The following NUP153 variants were observed in gnomAD, a reference collection of about 807,000 sequenced individuals.
The protein encoded by NUP153 is nucleoporin 153.
A neutral mutation model predicts 134.6 loss-of-function variants in NUP153; 27 were observed. That is an observed-to-expected ratio of 0.20 (90% CI 0.15 to 0.28). NUP153 has a LOEUF of 0.28. Ranked by LOEUF, NUP153 falls within the 10% of genes least tolerant of loss-of-function variation. The pLI is 1.00. For missense variants in NUP153, 1,821 were observed against 1,731.3 expected (o/e 1.05, Z -0.92); for synonymous variants, 640 against 623.5 (o/e 1.03, Z -0.40).
intron 5 of NUP153, among the ~76,000 whole-genome samples, chr6:17,670,784 G>A (rs1278344044): frequency 6.6e-6 from 1 of 151,932 alleles, no homozygotes; most frequent in African/African-American, 2.4e-5. Context: ...TCTTTAGATT[G>A]TTTACATGGT....
rs1477941295 is a variant in NUP153, at chr6:17,632,813, A to G, written c.2496T>C (p.Thr832=). The change falls in exon 17 of 22, where the codon ACT becomes ACC. Residue 832 remains threonine, a synonymous_variant. Transcript: ENST00000262077. The part of the protein sequence containing the change: ...GSSVPASSSS[T]VPVSLPSGGS... Reference sequence around the variant, plus strand: ...CTCCAGAAGGCAGAGAGACAGGTACAGTGCTGCTACTTGAAGCAGGTACTG... The same window carrying G: ...CTCCAGAAGGCAGAGAGACAGGTACGGTGCTGCTACTTGAAGCAGGTACTG... 7.2e-7 allele frequency: 1 copy of G among 1,387,766 alleles called. No homozygotes were observed. The highest frequency in any genetic ancestry group is 1.5e-5 in the African/African-American group (1 of 66,488). 86.0% of individuals were successfully genotyped at this position (1,387,766 alleles called of 1,614,324 possible).
intron 1 of NUP153, among the ~76,000 whole-genome samples, chr6:17,699,481 CAAA>C (rs147055009): frequency 4.1e-5 from 4 of 97,544 alleles, no homozygotes; most frequent in Non-Finnish European, 6.0e-5. Context: ...AGACTCGTCT[CAAA>C]AAAAAAAAAA....
intron 20 of NUP153, among the ~76,000 whole-genome samples, chr6:17,623,791 T>C (rs374701160): frequency 3.3e-5 from 5 of 152,188 alleles, no homozygotes; most frequent in Admixed American, 1.3e-4. Flanking sequence ...ATTCCATTTA[T>C]ATAAAAGCAG....
intron 11 of NUP153, among the ~76,000 whole-genome samples, chr6:17,653,263 C>A (rs1445999677): frequency 6.6e-6 from 1 of 151,996 alleles, no homozygotes; most frequent in Non-Finnish European, 1.5e-5. Context: ...AAAAAAAGAA[C>A]TGAACAGACA....
rs1764944253 is a variant in NUP153, at chr6:17,626,268, G to A, written c.3545-104C>T. The A allele has an allele frequency of 3.7e-5, 29 of 786,194 alleles. No homozygotes were observed. The South Asian group carries it at 4.6e-4, about 12-fold the overall frequency. 48.7% of individuals were successfully genotyped at this position (786,194 alleles called of 1,614,324 possible). On this transcript the variant is annotated intron_variant, in intron 18 of 21. Transcript: ENST00000262077. ...CTAGAATTTTCCTACCCTAGAATTC[G>A]CTAGAAAATAGATTTTTTATATAGA...
At chr6:17,636,257 T>C (rs745331373) in intron 16 of NUP153, among the ~76,000 whole-genome samples, 6 of 151,252 alleles carry the variant, frequency 4.0e-5, no homozygotes, top group Non-Finnish European at 7.4e-5. Flanking sequence ...ATTGCATGCA[T>C]CTGGGAGATG....
intron 11 of NUP153, among the ~76,000 whole-genome samples, chr6:17,657,745 CA>C (rs545476568): frequency 2.0e-5 from 3 of 151,568 alleles, no homozygotes; most frequent in East Asian, 3.9e-4. Flanking sequence ...AAAAACTTGT[CA>C]AAAAAAATAA....
At chr6:17,671,700 T>C (rs1040880144) in intron 5 of NUP153, among the ~76,000 whole-genome samples, 4 of 152,192 alleles carry the variant, frequency 2.6e-5, no homozygotes, top group East Asian at 3.9e-4. Flanking sequence ...AATTGGTCTT[T>C]AGACTCAAAT....
intron 8 of NUP153, among the ~76,000 whole-genome samples, chr6:17,666,027 G>A (rs1463882216): frequency 2.7e-5 from 4 of 147,688 alleles, no homozygotes; most frequent in African/African-American, 1.0e-4. Flanking sequence ...GTCTTGCTGT[G>A]TTGCCCAGGC....
At position 17,706,123 on chromosome 6, in the gene NUP153, ACCC is replaced by A. The variant is rs1280948134; in HGVS notation, c.111+151_111+153del. ...CTGTCTCAGCCCACTTCCCGTCGCC[ACCC>A]CCAACGGCCTGAGCTCCCCCGGAGC... is the stretch of plus-strand genomic sequence containing the variant. On this transcript the variant is annotated intron_variant, in intron 1 of 21. Transcript: ENST00000262077. This position sits in a 1 kb window ranked among gnomAD's most constrained non-coding sequence, Gnocchi z 5.9. The A allele has an allele frequency of 1.1e-5, 7 of 638,228 alleles. No individual in the cohort carries two copies. The highest frequency in any genetic ancestry group is 1.9e-5 in the Non-Finnish European group (7 of 368,298). The allele number at this position is 638,228 out of a possible 1,614,324, so 39.5% of individuals were successfully genotyped here. A position where few individuals can be genotyped will look rare whatever the true frequency, so the allele number is the denominator to read the frequency against.
intron 17 of NUP153, among the ~76,000 whole-genome samples, chr6:17,630,740 G>A (rs1260256283): frequency 7.0e-6 from 1 of 143,850 alleles, no homozygotes; most frequent in Non-Finnish European, 1.6e-5. Flanking sequence ...AGGGGAGAGG[G>A]GAGGGGAGAA....
intron 1 of NUP153, among the ~76,000 whole-genome samples, chr6:17,695,047 A>G (rs777423583): frequency 6.6e-6 from 1 of 152,220 alleles, no homozygotes; most frequent in Non-Finnish European, 1.5e-5. Flanking sequence ...TAAGACCCAA[A>G]TACAGGCGTG....
Position 17,637,708 on chromosome 6 carries a change from A to G in NUP153, c.1909T>C (p.Tyr637His). The G allele has an allele frequency of 6.2e-7, 1 of 1,609,404 alleles. No individual in the cohort carries two copies. Among genetic ancestry groups the G allele is most frequent in the Non-Finnish European group, 8.5e-7 (1 of 1,180,000 alleles). Residue 637 changes from tyrosine to histidine, a missense_variant, in exon 16 of 22, where the codon TAT becomes CAT. By Grantham distance (83) the Tyr-to-His change is moderately conservative. Transcript: ENST00000262077. Reference protein sequence around the residue: ...AQPTATSPVVYTRPAISSFSS... With the variant: ...AQPTATSPVVHTRPAISSFSS... ...AAGCTACTTATTGCTGGTCTTGTAT[A>G]AACTACTGGGCTTGTTGCGGTGGGC... is the stretch of plus-strand genomic sequence containing the variant.
intron 11 of NUP153, among the ~76,000 whole-genome samples, chr6:17,659,325 T>C (rs1767033451): frequency 6.6e-6 from 1 of 152,188 alleles, no homozygotes; most frequent in Non-Finnish European, 1.5e-5. Context: ...ATGTGTTGAT[T>C]GTAGTGGTTC....
At chr6:17,617,448 G>A (rs1485881764) in intron 20 of NUP153, among the ~76,000 whole-genome samples, 5 of 141,524 alleles carry the variant, frequency 3.5e-5, no homozygotes, top group African/African-American at 1.3e-4. Flanking sequence ...CTATGGAAGT[G>A]AGGATGTAGT....
chr6:17,623,307 C>A (rs1764745008), intron 20 of NUP153, among the ~76,000 whole-genome samples: 1 of 110,566 alleles, frequency 9.0e-6, no homozygotes, highest in Non-Finnish European at 1.8e-5. Flanking sequence ...ATCCAGAATA[C>A]ATAAAGAACC....
intron 20 of NUP153, among the ~76,000 whole-genome samples, chr6:17,621,463 T>C (rs992490060): frequency 2.0e-5 from 3 of 152,184 alleles, no homozygotes; most frequent in Non-Finnish European, 2.9e-5. Flanking sequence ...TAAGTGTCCA[T>C]CAACAGATGG....
intron 11 of NUP153, among the ~76,000 whole-genome samples, chr6:17,658,918 G>A (rs1323813753): frequency 2.0e-5 from 3 of 151,910 alleles, no homozygotes; most frequent in South Asian, 2.1e-4. Context: ...GTCTGCCGCC[G>A]GTCTAATCCA....
chr6:17,701,224 TA>T lies in NUP153; in HGVS notation c.111+5052del, dbSNP rs80190785. Reference sequence around the variant, plus strand: ...TGGGCAACAAGAGCGAAACTCTGTCTAAAAAAAAAAAAAAAGCTAAATGCGC... The same window carrying T: ...TGGGCAACAAGAGCGAAACTCTGTCTAAAAAAAAAAAAAAGCTAAATGCGC... On this transcript the variant is annotated intron_variant, in intron 1 of 21. Transcript: ENST00000262077. Among the ~76,000 whole-genome samples the T allele has an allele frequency of 5.1e-3, 617 of 120,696 alleles. 1 individual carries two copies. Among genetic ancestry groups the T allele is most frequent in the Admixed American group, 5.4e-3 (62 of 11,556 alleles). The allele number at this position is 120,696 out of a possible 152,430, so 79.2% of individuals were successfully genotyped here.
Sources: allele counts gnomAD v4.1 joint callset (sites outside exome capture counted in the v4.1 genomes callset), GRCh38; gene constraint gnomAD v4.1.1; non-coding constraint Gnocchi (gnomAD v3.1); transcripts MANE v1.5; gene names NCBI Gene and HGNC (gene_info 2026-07-23, HGNC 2026-07-21).